KCNT2: variants seen among roughly 807,000 people sequenced by gnomAD.
KCNT2 encodes potassium channel subfamily T member 2.
A neutral mutation model predicts 153.8 loss-of-function variants in KCNT2; 67 were observed. That is an observed-to-expected ratio of 0.44 (90% CI 0.36 to 0.53). The LOEUF (loss-of-function observed/expected upper bound fraction) is 0.53. KCNT2 is among the 20% of genes least tolerant of loss of function. The pLI, the probability that KCNT2 is intolerant of heterozygous loss-of-function variation, is 0.00. For missense variants in KCNT2, 975 were observed against 1,354.8 expected (o/e 0.72, Z 4.40); for synonymous variants, 500 against 458.8 (o/e 1.09, Z -1.15).
At chr1:196,256,039 C>A (rs1055127108) in intron 26 of KCNT2, among the ~76,000 whole-genome samples, 1 of 151,890 alleles carries the variant, frequency 6.6e-6, no homozygotes, top group Non-Finnish European at 1.5e-5. Flanking sequence ...AAATGTGTCT[C>A]CACTATTTCA....
chr1:196,388,367 C>A (rs141655725), intron 13 of KCNT2, among the ~76,000 whole-genome samples: 180 of 151,706 alleles, frequency 1.2e-3, no homozygotes, highest in African/African-American at 4.3e-3. Context: ...TCTTCTTTTT[C>A]ATAGTTGTTA....
At chr1:196,566,848 A>G (rs780056225) in intron 1 of KCNT2, among the ~76,000 whole-genome samples, 15 of 152,148 alleles carry the variant, frequency 9.9e-5, no homozygotes, top group Admixed American at 2.6e-4. Context: ...TAAATAAATT[A>G]TTAGATTTAG....
At chr1:196,385,184 C>G (rs1669859236) in intron 13 of KCNT2, among the ~76,000 whole-genome samples, 1 of 152,148 alleles carries the variant, frequency 6.6e-6, no homozygotes, top group African/African-American at 2.4e-5. Flanking sequence ...CCAACTTCAA[C>G]CACCCCAAAC....
At chr1:196,580,632 T>C (rs1661919766) in intron 1 of KCNT2, among the ~76,000 whole-genome samples, 1 of 152,166 alleles carries the variant, frequency 6.6e-6, no homozygotes, top group African/African-American at 2.4e-5. Context: ...ACTGAAATAG[T>C]CATATAATAT....
intron 12 of KCNT2, among the ~76,000 whole-genome samples, 172 bp from the exon 13 acceptor site, chr1:196,398,843 T>A (rs1482202597): frequency 6.6e-6 from 1 of 151,628 alleles, no homozygotes; most frequent in Non-Finnish European, 1.5e-5. Flanking sequence ...AAGGTAGTAA[T>A]AGCTAATTCA....
chr1:196,451,217 C>CTTTTTTTTTTTT (rs561944079), intron 8 of KCNT2, among the ~76,000 whole-genome samples: 1 of 63,550 alleles, frequency 1.6e-5, no homozygotes, highest in Non-Finnish European at 3.1e-5. Flanking sequence ...ATCCCTCTTT[C>CTTTTTTTTTTTT]TTTTTTTTTT....
At chr1:196,567,237 T>G (rs900704683) in intron 1 of KCNT2, among the ~76,000 whole-genome samples, 18 of 152,186 alleles carry the variant, frequency 1.2e-4, no homozygotes, top group African/African-American at 4.3e-4. Flanking sequence ...CACTAGACTA[T>G]GTAGCATTTC....
At chr1:196,289,082 C>T (rs963153416) in intron 22 of KCNT2, among the ~76,000 whole-genome samples, 1 of 151,998 alleles carries the variant, frequency 6.6e-6, no homozygotes. Context: ...ATAGTAAGTA[C>T]TTAAAAAGAT....
chr1:196,458,055 C>T lies in KCNT2; in HGVS notation c.638+7238G>A, dbSNP rs144590584. ...TGAGACATACAATTTTACATTTCAT[C>T]TCAGCCCCAACCTGCAACTGGGTCA... On this transcript the variant is annotated intron_variant, in intron 8 of 27. Coordinates refer to ENST00000294725, the MANE Select transcript of KCNT2 (RefSeq NM_198503.5). Among the ~76,000 whole-genome samples, 587 of 152,024 alleles carry T rather than the reference C, an allele frequency of 3.9e-3. 3 individuals are homozygous for T. Among genetic ancestry groups the T allele is most frequent in the Middle Eastern group, 6.8e-3 (2 of 294 alleles).
chr1:196,511,316 G>T lies in KCNT2; in HGVS notation c.96-18975C>A, dbSNP rs558893288. ...TGATAAGGAATTTCTGTTTTGACAG[G>T]CCAGAAACCTTCCAAAGAAATCTCC... On this transcript the variant is annotated intron_variant, in intron 1 of 27. Coordinates refer to ENST00000294725, the MANE Select transcript of KCNT2 (RefSeq NM_198503.5). Among the ~76,000 whole-genome samples the T allele has an allele frequency of 2.3e-3, 345 of 152,210 alleles. 1 individual carries two copies. Among genetic ancestry groups the T allele is most frequent in the African/African-American group, 7.7e-3 (321 of 41,530 alleles).
intron 25 of KCNT2, among the ~76,000 whole-genome samples, chr1:196,278,207 T>C (rs1394003795): frequency 6.6e-6 from 1 of 152,166 alleles, no homozygotes; most frequent in Non-Finnish European, 1.5e-5. Flanking sequence ...AAAATAGAAG[T>C]CAGGCTCAAC....
At chr1:196,532,135 A>C (rs1422988374) in intron 1 of KCNT2, among the ~76,000 whole-genome samples, 1 of 152,060 alleles carries the variant, frequency 6.6e-6, no homozygotes, top group Non-Finnish European at 1.5e-5. Context: ...CAAAGAATAA[A>C]ATAAGGATCA....
At chr1:196,269,952 C>A (rs1049098976) in intron 25 of KCNT2, among the ~76,000 whole-genome samples, 1 of 151,964 alleles carries the variant, frequency 6.6e-6, no homozygotes, top group East Asian at 1.9e-4. Context: ...AATAAAATAG[C>A]CTTAATTTTC....
At chr1:196,271,831 A>G (rs922396492) in intron 25 of KCNT2, among the ~76,000 whole-genome samples, 5 of 151,932 alleles carry the variant, frequency 3.3e-5, no homozygotes, top group Admixed American at 2.6e-4. Context: ...TCACGAGAAT[A>G]CTTACTTTAC....
intron 12 of KCNT2, among the ~76,000 whole-genome samples, chr1:196,410,314 T>A (rs1422428827): frequency 6.6e-6 from 1 of 150,622 alleles, no homozygotes; most frequent in Non-Finnish European, 1.5e-5. Flanking sequence ...TATGCATAAG[T>A]TTATTGCTTT....
At chr1:196,335,062 T>C (rs999707374) in intron 16 of KCNT2, among the ~76,000 whole-genome samples, 3 of 152,170 alleles carry the variant, frequency 2.0e-5, no homozygotes, top group African/African-American at 7.2e-5. Flanking sequence ...AAAATTAATT[T>C]TAATATCTAT....
At chr1:196,350,528 T>C (rs1572133018) in intron 14 of KCNT2, among the ~76,000 whole-genome samples, 1 of 152,048 alleles carries the variant, frequency 6.6e-6, no homozygotes, top group South Asian at 2.1e-4. Context: ...TCTGTTCATA[T>C]CCTTTGCCCA....
At chr1:196,310,864 A>G (rs555297121) in intron 21 of KCNT2, among the ~76,000 whole-genome samples, 1 of 151,944 alleles carries the variant, frequency 6.6e-6, no homozygotes, top group African/African-American at 2.4e-5. Flanking sequence ...TCAGACCAAC[A>G]TATGAACATA....
chr1:196,390,518 T>C (rs112756572), intron 13 of KCNT2, among the ~76,000 whole-genome samples: 6,885 of 151,534 alleles, frequency 0.045, 526 homozygotes, highest in African/African-American at 0.16. Flanking sequence ...TCCATTATGA[T>C]AGCACTCTCC....
Sources: gnomAD v4.1 joint callset for allele counts (sites outside exome capture counted in the v4.1 genomes callset) on GRCh38, gnomAD v4.1.1 for gene constraint, MANE v1.5 for transcripts, NCBI Gene and HGNC (gene_info 2026-07-23, HGNC 2026-07-21) for gene names.